The following HS6ST3 variants were observed in gnomAD, a reference collection of about 807,000 sequenced individuals.
HS6ST3 encodes heparan sulfate 6-O-sulfotransferase 3.
Under a neutral mutation model 36.7 loss-of-function variants are expected in HS6ST3, and 12 were observed. That is an observed-to-expected ratio of 0.33 (90% CI 0.21 to 0.53). The LOEUF (loss-of-function observed/expected upper bound fraction) is 0.53, where lower values mean the gene tolerates loss of function less well. HS6ST3 is among the 20% of genes least tolerant of loss of function. The pLI is 0.95. For synonymous variants in HS6ST3, 240 were observed against 257.5 expected (o/e 0.93, Z 0.65); for missense variants, 584 against 640.9 (o/e 0.91, Z 0.96).
Position 96,326,603 on chromosome 13 carries a change from G to A in HS6ST3, c.707+235034G>A, listed in dbSNP as rs187499022. 3.5e-3 allele frequency among the ~76,000 whole-genome samples: 535 copies of A among 152,202 alleles called. 6 individuals are homozygous for A. Among genetic ancestry groups the A allele is most frequent in the Middle Eastern group, 0.027 (8 of 294 alleles). ...TGTTGGACATTTGGGTTGGTTCCAAGTCTTTGCTATTGTGAATAGTGCCTC... is the reference window on the plus strand; with the variant it reads ...TGTTGGACATTTGGGTTGGTTCCAAATCTTTGCTATTGTGAATAGTGCCTC... On this transcript the variant is annotated intron_variant, in intron 1 of 1. Transcript: ENST00000376705.
chr13:96,410,798 A>C (rs968404383), intron 1 of HS6ST3, among the ~76,000 whole-genome samples: 1 of 152,262 alleles, frequency 6.6e-6, no homozygotes, highest in Non-Finnish European at 1.5e-5. Flanking sequence ...AAATAACAAG[A>C]CTGGAAGCAA....
chr13:96,827,279 G>A (rs1482222339), intron 1 of HS6ST3, among the ~76,000 whole-genome samples: 1 of 152,188 alleles, frequency 6.6e-6, no homozygotes, highest in Admixed American at 6.5e-5. Flanking sequence ...TGAACAGACA[G>A]ATTGAAGGTG....
At chr13:96,593,198 T>G (rs2056389635) in intron 1 of HS6ST3, among the ~76,000 whole-genome samples, 1 of 130,230 alleles carries the variant, frequency 7.7e-6, no homozygotes, top group Non-Finnish European at 1.6e-5. Context: ...TTTTTTTTTT[T>G]TTTGAGATGG....
intron 1 of HS6ST3, among the ~76,000 whole-genome samples, chr13:96,789,880 G>A (rs1480230253): frequency 1.3e-5 from 2 of 151,740 alleles, no homozygotes; most frequent in Non-Finnish European, 1.5e-5. Flanking sequence ...TGATTATGAT[G>A]TGTCTGGGTT....
chr13:96,750,950 T>G (rs1180218705), intron 1 of HS6ST3, among the ~76,000 whole-genome samples: 1 of 152,226 alleles, frequency 6.6e-6, no homozygotes, highest in African/African-American at 2.4e-5. Flanking sequence ...AATATAGAAT[T>G]AAAATTGCTT....
chr13:96,437,503 C>G (rs2055648949), intron 1 of HS6ST3, among the ~76,000 whole-genome samples: 2 of 152,212 alleles, frequency 1.3e-5, no homozygotes, highest in South Asian at 4.1e-4. Flanking sequence ...ACATCTTTCT[C>G]CCAGCAGGGC....
At chr13:96,783,044 T>G (rs1877563383) in intron 1 of HS6ST3, among the ~76,000 whole-genome samples, 1 of 152,104 alleles carries the variant, frequency 6.6e-6, no homozygotes, top group South Asian at 2.1e-4. Flanking sequence ...TTGAACAATG[T>G]GATTAAATGA....
intron 1 of HS6ST3, among the ~76,000 whole-genome samples, chr13:96,277,157 C>A (rs2054752316): frequency 6.6e-6 from 1 of 152,174 alleles, no homozygotes; most frequent in Non-Finnish European, 1.5e-5. Flanking sequence ...TTCTGGGATG[C>A]CCTTCCTGTA....
intron 1 of HS6ST3, among the ~76,000 whole-genome samples, chr13:96,253,362 C>T (rs894834912): frequency 1.3e-5 from 2 of 152,146 alleles, no homozygotes; most frequent in African/African-American, 4.8e-5. Context: ...GTGGGGCTCT[C>T]GCTTTTCCCC....
chr13:96,145,623 G>A (rs1438242294), intron 1 of HS6ST3, among the ~76,000 whole-genome samples: 16 of 152,010 alleles, frequency 1.1e-4, no homozygotes, highest in East Asian at 1.9e-4. Flanking sequence ...CTCTGATGGT[G>A]GTTTCTTTTG....
At chr13:96,165,195 A>G (rs910614497) in intron 1 of HS6ST3, among the ~76,000 whole-genome samples, 3 of 152,158 alleles carry the variant, frequency 2.0e-5, no homozygotes, top group Admixed American at 2.0e-4. Context: ...TGAGCAGAGC[A>G]TTTTGAAGAA....
rs11617944 is a variant in HS6ST3 at position 96,633,035 on chromosome 13, T to G, written c.708-199455T>G. Among the ~76,000 whole-genome samples the G allele has an allele frequency of 5.7e-3, 873 of 152,338 alleles. 5 individuals are homozygous for G. Among genetic ancestry groups the G allele is most frequent in the South Asian group, 0.012 (56 of 4,832 alleles). ...CTCTTCTAATTTTTTTTCTGTTTTT[T>G]CATCTTGCTTTCCTGTCATTCTTCT... On this transcript the variant is annotated intron_variant, in intron 1 of 1. Coordinates refer to ENST00000376705, the MANE Select transcript of HS6ST3 (RefSeq NM_153456.4).
intron 1 of HS6ST3, among the ~76,000 whole-genome samples, chr13:96,324,234 C>G (rs900257585): frequency 6.6e-6 from 1 of 152,100 alleles, no homozygotes; most frequent in Non-Finnish European, 1.5e-5. Flanking sequence ...ACCACTCCAC[C>G]AACATAACAT....
chr13:96,583,292 C>T (rs2056349181), intron 1 of HS6ST3, among the ~76,000 whole-genome samples: 1 of 127,732 alleles, frequency 7.8e-6, no homozygotes, highest in East Asian at 2.7e-4. Context: ...CGGCTCACTG[C>T]AACCTCCACC....
At chr13:96,501,607 C>G (rs1307049113) in intron 1 of HS6ST3, among the ~76,000 whole-genome samples, 1 of 152,202 alleles carries the variant, frequency 6.6e-6, no homozygotes, top group Non-Finnish European at 1.5e-5. Flanking sequence ...GCTCCAGGAA[C>G]AAATATTTGA....
At chr13:96,652,937 A>G (rs1254586070) in intron 1 of HS6ST3, among the ~76,000 whole-genome samples, 1 of 152,150 alleles carries the variant, frequency 6.6e-6, no homozygotes, top group African/African-American at 2.4e-5. Flanking sequence ...AATTCAAATC[A>G]CACTATAATA....
intron 1 of HS6ST3, among the ~76,000 whole-genome samples, chr13:96,542,053 T>C (rs568967424): frequency 3.3e-5 from 5 of 152,334 alleles, no homozygotes; most frequent in African/African-American, 1.2e-4. Context: ...TATGCATATC[T>C]ACAGATCTGA....
chr13:96,774,074 T>A (rs1208116840), intron 1 of HS6ST3, among the ~76,000 whole-genome samples: 1 of 152,042 alleles, frequency 6.6e-6, no homozygotes, highest in Non-Finnish European at 1.5e-5. Flanking sequence ...CCAGCCAATA[T>A]GCAGAAAAGG....
intron 1 of HS6ST3, among the ~76,000 whole-genome samples, chr13:96,499,033 T>G (rs899612989): frequency 2.0e-5 from 3 of 151,436 alleles, no homozygotes; most frequent in Non-Finnish European, 4.4e-5. Context: ...TCACACATTT[T>G]TTTTTTTTTT....
Sources: allele counts gnomAD v4.1 joint callset (sites outside exome capture counted in the v4.1 genomes callset), GRCh38; gene constraint gnomAD v4.1.1; transcripts MANE v1.5; gene names NCBI Gene and HGNC (gene_info 2026-07-23, HGNC 2026-07-21).